The following GPC3 variants were observed in gnomAD, a reference collection of about 807,000 sequenced individuals.
GPC3 encodes glypican 3, also known as glypican-3.
A neutral mutation model predicts 34.4 loss-of-function variants in GPC3; 3 were observed. That is an observed-to-expected ratio of 0.09 (90% CI 0.04 to 0.23). GPC3 has a LOEUF of 0.23. Among genes scored for constraint, GPC3 ranks in the 10% least tolerant of loss-of-function variants. The pLI, the probability that GPC3 is intolerant of heterozygous loss-of-function variation, is 1.00. For missense variants in GPC3, 351 were observed against 445.6 expected, an observed-to-expected ratio of 0.79 and a Z score of 1.91; for synonymous variants, 177 against 174.0, an observed-to-expected ratio of 1.02 and a Z score of -0.13.
chrX:133,850,694 G>A (rs988413644), intron 2 of GPC3, among the ~76,000 whole-genome samples: 10 of 111,152 alleles, frequency 9.0e-5, no homozygotes, highest in African/African-American at 3.3e-4. Context: ...CAACTTCTCC[G>A]CTTAGGGTCC....
intron 2 of GPC3, among the ~76,000 whole-genome samples, chrX:133,803,205 G>A (rs1603250592): frequency 8.9e-6 from 1 of 112,458 alleles, no homozygotes; most frequent in East Asian, 2.8e-4. Context: ...GATTACAGGC[G>A]TGAGCCAGTG....
chrX:133,831,254 T>G (rs1053034598), intron 2 of GPC3, among the ~76,000 whole-genome samples: 1 of 112,122 alleles, frequency 8.9e-6, no homozygotes, highest in African/African-American at 3.2e-5. Context: ...ATGTAAAATC[T>G]AGGTCTGTAC....
intron 2 of GPC3, among the ~76,000 whole-genome samples, chrX:133,929,965 AC>A (rs1232629345): frequency 5.3e-5 from 6 of 112,164 alleles, no homozygotes. Flanking sequence ...ACTCCTGTAA[AC>A]CACTTGTGAA....
intron 3 of GPC3, among the ~76,000 whole-genome samples, chrX:133,709,069 A>G (rs1300811894): frequency 9.0e-6 from 1 of 111,575 alleles, no homozygotes; most frequent in Non-Finnish European, 1.9e-5. Context: ...CTATTTCTGA[A>G]CTCTATTCTG....
intron 5 of GPC3, among the ~76,000 whole-genome samples, chrX:133,679,567 T>C (rs139803509): frequency 0.014 from 1,513 of 111,651 alleles, 24 homozygotes; most frequent in African/African-American, 0.045. Flanking sequence ...TCAATAAACA[T>C]GTATAGAGAG....
intron 3 of GPC3, among the ~76,000 whole-genome samples, chrX:133,742,238 T>C (rs894556342): frequency 2.7e-5 from 3 of 111,769 alleles, no homozygotes; most frequent in Non-Finnish European, 3.8e-5. Context: ...AGTGTAGGCA[T>C]TGGCCAGAGG....
chrX:133,884,324 T>C (rs1030236915), intron 2 of GPC3, among the ~76,000 whole-genome samples: 3 of 111,495 alleles, frequency 2.7e-5, no homozygotes, highest in African/African-American at 9.8e-5. Flanking sequence ...AGAGTCTCAT[T>C]CCTCCAGACT....
chrX:133,677,930 G>A (rs979843660), intron 5 of GPC3, among the ~76,000 whole-genome samples: 3 of 111,408 alleles, frequency 2.7e-5, no homozygotes, highest in Non-Finnish European at 3.8e-5. Flanking sequence ...TCTGCTGGAT[G>A]ACAGATTAAA....
At chrX:133,755,673 A>G (rs1384793691) in intron 2 of GPC3, among the ~76,000 whole-genome samples, 1 of 112,271 alleles carries the variant, frequency 8.9e-6, no homozygotes, top group Non-Finnish European at 1.9e-5. Context: ...GTCCCTGGGG[A>G]AAAAAAATCT....
At chrX:133,643,372 G>T (rs1000430931) in intron 6 of GPC3, among the ~76,000 whole-genome samples, 1 of 111,975 alleles carries the variant, frequency 8.9e-6, no homozygotes, top group Non-Finnish European at 1.9e-5. Context: ...ATACAGCTCA[G>T]TTGGGGACCA....
At chrX:133,609,109 TA>T (rs1302492075) in intron 6 of GPC3, among the ~76,000 whole-genome samples, 5 of 112,402 alleles carry the variant, frequency 4.4e-5, no homozygotes, top group African/African-American at 1.6e-4. Flanking sequence ...ACTCCTTAAG[TA>T]AACATTAACT....
At chrX:133,677,956 G>T (rs762577725) in intron 5 of GPC3, among the ~76,000 whole-genome samples, 1 of 111,339 alleles carries the variant, frequency 9.0e-6, no homozygotes, top group South Asian at 3.9e-4. Flanking sequence ...CTGACGTCAG[G>T]ATTTCCACCA....
Position 133,822,145 on chromosome X carries a change from A to G in GPC3, c.338-67969T>C, listed in dbSNP as rs765364500. 2.7e-5 allele frequency among the ~76,000 whole-genome samples: 3 copies of G among 112,136 alleles called. No individual in the cohort carries two copies. In the South Asian group the frequency reaches 1.1e-3, roughly 42 times the overall value. ...AATACTGTTCTGAGTAGCGTGATGA[A>G]ATCTCACACTGTCTTGCTGCATCCC... On this transcript the variant is annotated intron_variant, in intron 2 of 7. Transcript: ENST00000370818.
chrX:133,969,345 C>T (rs2076479675), intron 1 of GPC3, among the ~76,000 whole-genome samples: 1 of 112,001 alleles, frequency 8.9e-6, no homozygotes, highest in African/African-American at 3.2e-5. Context: ...GTCATTACTT[C>T]TATTTAGACG....
chrX:133,669,409 C>T (rs1176770704), intron 5 of GPC3, among the ~76,000 whole-genome samples: 1 of 112,219 alleles, frequency 8.9e-6, no homozygotes, highest in Non-Finnish European at 1.9e-5. Context: ...GAGCTTCAAG[C>T]CCAGAGGGAA....
intron 2 of GPC3, among the ~76,000 whole-genome samples, chrX:133,855,161 T>C (rs946616919): frequency 2.7e-5 from 3 of 110,759 alleles, no homozygotes; most frequent in African/African-American, 9.9e-5. Flanking sequence ...TCTCTTCTCT[T>C]CTCTTGTCTT....
At chrX:133,774,574 T>A (rs1445798080) in intron 2 of GPC3, among the ~76,000 whole-genome samples, 1 of 111,327 alleles carries the variant, frequency 9.0e-6, no homozygotes, top group Non-Finnish European at 1.9e-5. Flanking sequence ...AAAATATATC[T>A]CTATAAATAG....
intron 6 of GPC3, among the ~76,000 whole-genome samples, chrX:133,618,204 T>G (rs1483972396): frequency 8.9e-6 from 1 of 111,884 alleles, no homozygotes; most frequent in African/African-American, 3.2e-5. Flanking sequence ...AACAAATTAT[T>G]GTGTAAAGTT....
chrX:133,914,161 G>C (rs986828134), intron 2 of GPC3, among the ~76,000 whole-genome samples: 1 of 111,389 alleles, frequency 9.0e-6, no homozygotes, highest in Non-Finnish European at 1.9e-5. Context: ...GATGTGACAG[G>C]ATTCACTAGG....
Sources: allele counts gnomAD v4.1 joint callset (sites outside exome capture counted in the v4.1 genomes callset), GRCh38; gene constraint gnomAD v4.1.1; transcripts MANE v1.5; gene names NCBI Gene and HGNC (gene_info 2026-07-23, HGNC 2026-07-21).